Variants in MYPN observed in about 807,000 individuals in gnomAD.
MYPN encodes the protein myopalladin, also known as sarcomeric protein myopalladin, 145 kDa (MYOP).
In MYPN, 63 loss-of-function variants were observed where a neutral mutation model predicts 129.4. That is an observed-to-expected ratio of 0.49 (90% CI 0.40 to 0.60). The LOEUF (loss-of-function observed/expected upper bound fraction) is 0.60, where lower values mean the gene tolerates loss of function less well. MYPN is among the 20% of genes least tolerant of loss of function. The pLI is 0.00. For synonymous variants in MYPN, 629 were observed against 600.9 expected (o/e 1.05, Z -0.68); for missense variants, 1,596 against 1,635.4 (o/e 0.98, Z 0.42).
At chr10:68,194,207 G>A (rs2043564257) in intron 13 of MYPN, among the ~76,000 whole-genome samples, 156 bp from the exon 14 acceptor site, 1 of 151,914 alleles carries the variant, frequency 6.6e-6, no homozygotes, top group Non-Finnish European at 1.5e-5. Flanking sequence ...ATATTATACA[G>A]CCATTTTTAA....
At chr10:68,174,703 G>T (rs770319739) in intron 11 of MYPN, 47 bp downstream of exon 11, 3 of 1,559,782 alleles carry the variant, frequency 1.9e-6, no homozygotes, top group Non-Finnish European at 8.8e-7. Context: ...GTTAAGAGTC[G>T]ATGTGCACAT....
chr10:68,166,816 C>T, intron 10 of MYPN, 150 bp downstream of exon 10: 2 of 1,136,308 alleles, frequency 1.8e-6, no homozygotes, highest in Non-Finnish European at 2.5e-6. Context: ...ATCGCTTGAG[C>T]CCAGGAATTC....
intron 8 of MYPN, 37 bp from the exon 9 acceptor site, chr10:68,165,665 A>C (rs1233169231): frequency 7.0e-7 from 1 of 1,437,410 alleles, no homozygotes; most frequent in Admixed American, 1.7e-5. Context: ...TGTTTTCATA[A>C]TGAAGTCAGT....
At chr10:68,175,518 T>C (rs1388051045) in intron 12 of MYPN, 57 bp downstream of exon 12, 21 of 1,600,046 alleles carry the variant, frequency 1.3e-5, no homozygotes, top group Non-Finnish European at 1.7e-5. Context: ...AATTTAATTT[T>C]GCTTGATTCA....
intron 2 of MYPN, among the ~76,000 whole-genome samples, chr10:68,130,425 AC>A (rs2134022061): frequency 6.7e-6 from 1 of 149,312 alleles, no homozygotes; most frequent in African/African-American, 2.5e-5. Flanking sequence ...ATGCCATTGC[AC>A]TCCAGCCTGG....
intron 15 of MYPN, 23 bp from the exon 16 acceptor site, chr10:68,197,329 T>A: frequency 6.2e-7 from 1 of 1,611,486 alleles, no homozygotes; most frequent in Non-Finnish European, 8.5e-7. Context: ...ATGTTTAATA[T>A]CTGAACATGC....
chr10:68,169,181 TAAAAAAAAAAAAAAA>T (rs59317396), intron 10 of MYPN, among the ~76,000 whole-genome samples: 1 of 91,084 alleles, frequency 1.1e-5, no homozygotes, highest in Non-Finnish European at 1.9e-5. Flanking sequence ...CCGTCTCTAC[TAAAAAAAAAAAAAAA>T]AAAAAAAAAA....
intron 12 of MYPN, among the ~76,000 whole-genome samples, chr10:68,183,439 G>A (rs1301815854): frequency 1.3e-5 from 2 of 151,974 alleles, no homozygotes; most frequent in Non-Finnish European, 2.9e-5. Flanking sequence ...TCCAGCCTGG[G>A]CAGTAGAGCC....
chr10:68,116,264 AG>A (rs2042155367), intron 1 of MYPN, among the ~76,000 whole-genome samples: 1 of 143,908 alleles, frequency 6.9e-6, no homozygotes, highest in Non-Finnish European at 1.5e-5. Flanking sequence ...TAAAATAGAA[AG>A]TTTTTAAATT....
intron 10 of MYPN, among the ~76,000 whole-genome samples, chr10:68,173,541 T>G (rs532353425): frequency 7.9e-5 from 12 of 152,226 alleles, no homozygotes; most frequent in African/African-American, 2.9e-4. Flanking sequence ...TTCTTGCCAC[T>G]CTGGTTGTGT....
rs1277948002 is a variant in MYPN at position 68,211,089 on chromosome 10, T to C, written c.*634T>C. ...AGATTCCAAAAACTTGCTGAAACAC[T>C]TGATATTGCACAGTGCACTTATTTT... On this transcript the variant is annotated 3_prime_UTR_variant, in exon 20 of 20. Transcript: ENST00000358913. 2.2e-6 allele frequency: 1 copy of C among 454,132 alleles called. No homozygotes were observed. Among genetic ancestry groups the C allele is most frequent in the Non-Finnish European group, 4.4e-6 (1 of 226,798 alleles). 28.1% of individuals were successfully genotyped at this position (454,132 alleles called of 1,614,324 possible). A position where few individuals can be genotyped will look rare whatever the true frequency, so the allele number is the denominator to read the frequency against.
rs567917180 is a variant in MYPN, at chr10:68,205,686, CA to C, written c.3660-1076del. On this transcript the variant is annotated intron_variant, in intron 18 of 19. Transcript: ENST00000358913. ...TGGGCAACAGAGCAAGACTCTGTCT[CA>C]AAAAAAAGAGAAGGAATTTTTGTCC... 2.5e-3 allele frequency among the ~76,000 whole-genome samples: 376 copies of C among 151,812 alleles called. 1 individual carries two copies. The highest frequency in any genetic ancestry group is 8.9e-3 in the African/African-American group (367 of 41,378).
rs1174031152 is a variant in MYPN at position 68,174,054 on chromosome 10, T to C, written c.1974-12T>C. ...ATTTCCTTCTCTCTCTCCACCCTTG[T>C]TTTGTGTACAGTGATTCCACTCAGT... On this transcript the variant is annotated splice_polypyrimidine_tract_variant and intron_variant, in intron 10 of 19. Transcript: ENST00000358913. The C allele has an allele frequency of 6.3e-7, 1 of 1,593,858 alleles. No individual in the cohort carries two copies. The highest frequency in any genetic ancestry group is 8.6e-7 in the Non-Finnish European group (1 of 1,161,510).
At chr10:68,161,969 C>T (rs2042983981) in intron 8 of MYPN, 1 of 417,912 alleles carries the variant, frequency 2.4e-6, no homozygotes, top group East Asian at 4.2e-5. Flanking sequence ...TCAAGACCAG[C>T]CTGGCCTACA....
chr10:68,145,502 A>AC lies in MYPN; in HGVS notation c.1109dup (p.Asn371Ter). ...GTTTCTTCTTCTGACTCAGAAGGCG[A>AC]CCCTAACAAGGAAGAGATGAATCGG... On this transcript the variant is annotated frameshift_variant, in exon 4 of 20. Coordinates refer to ENST00000358913, the MANE Select transcript of MYPN (RefSeq NM_032578.4). LOFTEE classifies it high-confidence loss of function. The AC allele has an allele frequency of 6.2e-7, 1 of 1,613,534 alleles. No homozygotes were observed. The highest frequency in any genetic ancestry group is 8.5e-7 in the Non-Finnish European group (1 of 1,179,708).
rs794729071 is a variant in MYPN at position 68,122,063 on chromosome 10, T to C, written c.625T>C (p.Ser209Pro). The C allele has an allele frequency of 4.3e-6, 7 of 1,613,952 alleles. No individual in the cohort carries two copies. In the Admixed American group the frequency reaches 1.2e-4, roughly 27 times the overall value. The change falls in exon 2 of 20, where the codon TCT (serine) becomes CCT (proline). Residue 209 changes from serine (S) to proline (P), a missense_variant. Ser to Pro is a moderately conservative substitution (Grantham distance 74). Transcript: ENST00000358913. ...FSDLSERRER[S>P]SVPIPIPADT... ...AGATCTGTCAGAAAGACGAGAAAGA[T>C]CTTCTGTTCCCATCCCTATCCCTGC...
intron 19 of MYPN, among the ~76,000 whole-genome samples, chr10:68,209,637 C>T (rs2043872725): frequency 6.9e-6 from 1 of 144,720 alleles, no homozygotes; most frequent in Admixed American, 6.9e-5. Context: ...AAATCACCCT[C>T]GTCACCCACT....
upstream of MYPN, among the ~76,000 whole-genome samples, chr10:68,105,339 C>T (rs2133949963): frequency 6.6e-6 from 1 of 152,290 alleles, no homozygotes; most frequent in Non-Finnish European, 1.5e-5. Context: ...CACAAAGAGC[C>T]TAGCATAGTG....
intron 10 of MYPN, 76 bp from the exon 11 acceptor site, chr10:68,173,990 G>A (rs541812864): frequency 4.1e-6 from 5 of 1,209,618 alleles, no homozygotes; most frequent in Non-Finnish European, 4.9e-6. Context: ...TAAACAGTCT[G>A]TCTGAACATT....
Sources: gnomAD v4.1 joint callset for allele counts (sites outside exome capture counted in the v4.1 genomes callset) on GRCh38, gnomAD v4.1.1 for gene constraint, MANE v1.5 for transcripts, NCBI Gene and HGNC (gene_info 2026-07-23, HGNC 2026-07-21) for gene names.